The following SMPX variants were observed in gnomAD, a reference collection of about 807,000 sequenced individuals.
SMPX encodes small muscular protein.
SMPX carries 2 observed loss-of-function variants against 6.3 expected under a neutral mutation model. The ratio of observed to expected loss-of-function variants is 0.32; its 90% CI spans 0.13 to 0.99. The LOEUF is 0.99. Ranked by LOEUF, SMPX falls within the 50% of genes least tolerant of loss-of-function variation. SMPX has a pLI of 0.49. For missense variants in SMPX, 60 were observed against 66.8 expected (o/e 0.90, Z 0.36); for synonymous variants, 32 against 24.7 (o/e 1.30, Z -0.88).
chrX:21,754,944 C>T lies in SMPX; in HGVS notation c.-12-642G>A, dbSNP rs1048979231. On this transcript the variant is annotated intron_variant, in intron 1 of 4. Transcript: ENST00000379494. ...ATACAGAGCCCAGGCTCTGTAAACA[C>T]GGGCAGACAGCAAGTCTCGCCTGTA... is the stretch of plus-strand genomic sequence containing the variant. Among the ~76,000 whole-genome samples, 27 of 112,615 alleles carry T rather than the reference C, an allele frequency of 2.4e-4. 1 individual carries two copies. The highest frequency in any genetic ancestry group is 4.6e-3 in the Middle Eastern group (1 of 218).
intron 3 of SMPX, among the ~76,000 whole-genome samples, chrX:21,739,572 A>G (rs1239450418): frequency 1.8e-5 from 2 of 112,627 alleles, no homozygotes; most frequent in African/African-American, 6.4e-5. Context: ...ATGTAGATTT[A>G]GAAGCAATAA....
At chrX:21,740,465 A>T (rs1242398963) in intron 3 of SMPX, among the ~76,000 whole-genome samples, 1 of 112,038 alleles carries the variant, frequency 8.9e-6, no homozygotes, top group East Asian at 2.8e-4. Flanking sequence ...GGGTATTTGT[A>T]AAACTTGGCA....
chrX:21,736,368 G>A (rs950765779), intron 4 of SMPX, among the ~76,000 whole-genome samples: 1 of 111,866 alleles, frequency 8.9e-6, no homozygotes, highest in African/African-American at 3.3e-5. Context: ...TCTGTAAGGT[G>A]TGGTGGGAGG....
intron 4 of SMPX, chrX:21,727,318 C>T (rs1364337227): frequency 8.9e-6 from 1 of 112,178 alleles, no homozygotes; most frequent in Admixed American, 9.5e-5. Context: ...TTTAATAAAC[C>T]TGTTGGGGTA....
chrX:21,743,444 C>A (rs760475828), intron 3 of SMPX, among the ~76,000 whole-genome samples: 6 of 111,398 alleles, frequency 5.4e-5, no homozygotes, highest in Admixed American at 2.9e-4. Context: ...TACACACAAT[C>A]AATCAATCAA....
chrX:21,708,576 A>G (rs1416215228), intron 4 of SMPX, among the ~76,000 whole-genome samples: 1 of 112,102 alleles, frequency 8.9e-6, no homozygotes, highest in Non-Finnish European at 1.9e-5. Context: ...GGATTTTAAC[A>G]GAGGTGTCCC....
chrX:21,711,183 G>A (rs1046024762), intron 4 of SMPX, among the ~76,000 whole-genome samples: 1 of 111,888 alleles, frequency 8.9e-6, no homozygotes, highest in Non-Finnish European at 1.9e-5. Context: ...ACAAAAATTC[G>A]GGAATCCAGA....
In SMPX at chrX:21,746,114, A is replaced by G. The variant is rs1020448699; in HGVS notation, c.46-2278T>C. 6.3e-5 allele frequency among the ~76,000 whole-genome samples: 7 copies of G among 111,799 alleles called. No homozygotes were observed. In the Admixed American group the frequency reaches 6.7e-4, roughly 11 times the overall value. ...TGTCCCCATTTGTAATATGAATATT[A>G]GGCTGTGTCAATGGTTTTCAAACCT... On this transcript the variant is annotated intron_variant, in intron 2 of 4. Transcript: ENST00000379494.
chrX:21,750,413 G>A (rs2092826213), intron 2 of SMPX, among the ~76,000 whole-genome samples: 1 of 112,120 alleles, frequency 8.9e-6, no homozygotes, highest in South Asian at 3.8e-4. Context: ...TTGGGACATA[G>A]CCACATTCAT....
intron 3 of SMPX, among the ~76,000 whole-genome samples, chrX:21,742,545 T>C (rs959623452): frequency 8.9e-6 from 1 of 111,976 alleles, no homozygotes; most frequent in African/African-American, 3.2e-5. Context: ...CTTGAGATTA[T>C]GTAACCATAA....
intron 4 of SMPX, among the ~76,000 whole-genome samples, chrX:21,715,029 G>A (rs1343812243): frequency 9.0e-5 from 10 of 110,820 alleles, no homozygotes; most frequent in African/African-American, 2.3e-4. Flanking sequence ...AAAAGCTGCC[G>A]GGGGAAGTTT....
intron 4 of SMPX, among the ~76,000 whole-genome samples, chrX:21,731,654 G>GTGTGTA (rs763870660): frequency 1.0e-5 from 1 of 97,697 alleles, no homozygotes; most frequent in East Asian, 3.4e-4. Context: ...GTACACATAA[G>GTGTGTA]TGTGTATGTG....
intron 4 of SMPX, among the ~76,000 whole-genome samples, chrX:21,734,097 C>T (rs1372008816): frequency 8.9e-6 from 1 of 112,225 alleles, no homozygotes; most frequent in Non-Finnish European, 1.9e-5. Flanking sequence ...GAATTGTTAG[C>T]TACCTTTTGA....
At chrX:21,724,522 A>G (rs1429537552) in intron 4 of SMPX, among the ~76,000 whole-genome samples, 1 of 112,375 alleles carries the variant, frequency 8.9e-6, no homozygotes, top group Non-Finnish European at 1.9e-5. Flanking sequence ...ATTAATCTTG[A>G]ATATCTTTCC....
chrX:21,715,322 TCG>T (rs2092783794), intron 4 of SMPX, among the ~76,000 whole-genome samples: 1 of 99,021 alleles, frequency 1.0e-5, no homozygotes, highest in African/African-American at 4.2e-5. Flanking sequence ...GCGCGCGCGC[TCG>T]CGCGCTGGTG....
At chrX:21,718,426 C>T (rs2092787739) in intron 4 of SMPX, among the ~76,000 whole-genome samples, 1 of 112,070 alleles carries the variant, frequency 8.9e-6, no homozygotes, top group East Asian at 2.8e-4. Context: ...CATTTCAGTT[C>T]CAGATCTCAA....
At chrX:21,749,257 A>G (rs2092824836) in intron 2 of SMPX, among the ~76,000 whole-genome samples, 1 of 112,576 alleles carries the variant, frequency 8.9e-6, no homozygotes, top group South Asian at 3.6e-4. Flanking sequence ...AAGTTGATCT[A>G]GCCATGGTTG....
chrX:21,736,186 T>C (rs991507406), intron 4 of SMPX, among the ~76,000 whole-genome samples: 1 of 112,548 alleles, frequency 8.9e-6, no homozygotes, highest in Non-Finnish European at 1.9e-5. Context: ...TAAGTCAGTG[T>C]AAGTGTAACA....
intron 4 of SMPX, among the ~76,000 whole-genome samples, chrX:21,735,924 TG>T (rs1194157577): frequency 9.0e-6 from 1 of 111,673 alleles, no homozygotes; most frequent in Non-Finnish European, 1.9e-5. Flanking sequence ...TGTTCCATTC[TG>T]TCATCAGTAG....
Sources: allele counts gnomAD v4.1 joint callset (sites outside exome capture counted in the v4.1 genomes callset), GRCh38; gene constraint gnomAD v4.1.1; transcripts MANE v1.5; gene names NCBI Gene and HGNC (gene_info 2026-07-23, HGNC 2026-07-21).